Variants in CENPP observed in about 807,000 individuals in gnomAD.
CENPP encodes centromere protein P.
Under a neutral mutation model 35.6 loss-of-function variants are expected in CENPP, and 24 were observed. The ratio of observed to expected loss-of-function variants is 0.67; its 90% confidence interval spans 0.49 to 0.95. The LOEUF (loss-of-function observed/expected upper bound fraction) is 0.95. Ranked by LOEUF, CENPP falls within the 40% of genes least tolerant of loss-of-function variation. The pLI is 0.00. For synonymous variants in CENPP, 120 were observed against 125.5 expected, an observed-to-expected ratio of 0.96 and a Z score of 0.29; for missense variants, 332 against 345.3, an observed-to-expected ratio of 0.96 and a Z score of 0.31.
chr9:92,464,846 C>T, intron 5 of CENPP: 1 of 1,106,668 alleles, frequency 9.0e-7, no homozygotes, highest in Admixed American at 1.7e-5. Flanking sequence ...GCACAGTTTA[C>T]AATATTAGAT....
At chr9:92,354,820 G>A (rs1472722440) in intron 4 of CENPP, among the ~76,000 whole-genome samples, 5 of 152,164 alleles carry the variant, frequency 3.3e-5, no homozygotes, top group African/African-American at 1.2e-4. Flanking sequence ...AAGAGAAAGA[G>A]TAAAAAGAGA....
intron 5 of CENPP, among the ~76,000 whole-genome samples, chr9:92,549,860 A>G (rs1037400852): frequency 1.2e-4 from 18 of 152,288 alleles, no homozygotes; most frequent in African/African-American, 4.3e-4. Context: ...AAGTTTGTTC[A>G]GGAGCCAGGC....
At chr9:92,459,951 C>G (rs568385785) in intron 5 of CENPP, among the ~76,000 whole-genome samples, 2 of 151,936 alleles carry the variant, frequency 1.3e-5, no homozygotes, top group South Asian at 4.2e-4. Context: ...CCAGTTTTGT[C>G]AGAAAATTCT....
At chr9:92,527,847 T>G (rs1026339196) in intron 5 of CENPP, 4 of 154,124 alleles carry the variant, frequency 2.6e-5, no homozygotes, top group Admixed American at 1.3e-4. Flanking sequence ...TTTTTTACAT[T>G]CTGCATACAG....
intron 2 of CENPP, among the ~76,000 whole-genome samples, 164 bp downstream of exon 2, chr9:92,332,515 A>G (rs1202384806): frequency 6.6e-6 from 1 of 152,238 alleles, no homozygotes; most frequent in Admixed American, 6.5e-5. Context: ...CACGGTGTTC[A>G]AAAAGCTGCC....
intron 5 of CENPP, among the ~76,000 whole-genome samples, chr9:92,577,782 T>TTTTATTTA (rs746950356): frequency 2.2e-4 from 33 of 151,666 alleles, no homozygotes; most frequent in African/African-American, 4.6e-4. Flanking sequence ...AGACCCTATC[T>TTTTATTTA]TTTATTTATT....
chr9:92,491,534 A>C lies in CENPP; in HGVS notation c.564+111675A>C, dbSNP rs142368164. On this transcript the variant is annotated intron_variant, in intron 5 of 7. Transcript: ENST00000375587. ...AGGTATACTCCTTGCCTGTGCATTCAGCTTTGACCTCATACCTTCCCGTCT... is the reference window on the plus strand; with the variant it reads ...AGGTATACTCCTTGCCTGTGCATTCCGCTTTGACCTCATACCTTCCCGTCT... Among the ~76,000 whole-genome samples, 490 of 152,104 alleles carry C rather than the reference A, an allele frequency of 3.2e-3. 14 individuals are homozygous for C. The highest frequency in any genetic ancestry group is 0.03 in the Admixed American group (451 of 15,266).
chr9:92,466,486 G>A (rs1463689024), intron 5 of CENPP: 11 of 1,613,362 alleles, frequency 6.8e-6, no homozygotes, highest in African/African-American at 1.3e-5. Flanking sequence ...TTGATTGTGG[G>A]ACAGATACAG....
At chr9:92,582,197 G>A (rs915782701) in intron 5 of CENPP, among the ~76,000 whole-genome samples, 1 of 152,030 alleles carries the variant, frequency 6.6e-6, no homozygotes, top group African/African-American at 2.4e-5. Context: ...GAGACTACAG[G>A]CACATGCCAC....
intron 5 of CENPP, among the ~76,000 whole-genome samples, chr9:92,582,281 C>T (rs1467686463): frequency 6.6e-6 from 1 of 152,166 alleles, no homozygotes; most frequent in Admixed American, 6.5e-5. Flanking sequence ...TGGTCTCGAA[C>T]TCCTGAGCTC....
At chr9:92,524,539 T>A (rs996718355) in intron 5 of CENPP, among the ~76,000 whole-genome samples, 2 of 152,188 alleles carry the variant, frequency 1.3e-5, no homozygotes, top group Admixed American at 6.5e-5. Flanking sequence ...CAGTTTTGAC[T>A]GCCTCTCAGA....
At chr9:92,505,501 A>G in intron 5 of CENPP, 1 of 1,530,892 alleles carries the variant, frequency 6.5e-7, no homozygotes, top group South Asian at 1.2e-5. Flanking sequence ...CAAATATAAT[A>G]CATTTAAAAC....
intron 4 of CENPP, among the ~76,000 whole-genome samples, chr9:92,364,907 G>C (rs1841849048): frequency 6.6e-6 from 1 of 152,158 alleles, no homozygotes; most frequent in Non-Finnish European, 1.5e-5. Context: ...CCTTGTACAT[G>C]GTTGGTGTTC....
chr9:92,515,150 C>G (rs1847621696), intron 5 of CENPP: 2 of 1,609,450 alleles, frequency 1.2e-6, no homozygotes, highest in East Asian at 2.2e-5. Flanking sequence ...GAAGAATCAC[C>G]AGAAAATTCA....
Position 92,379,878 on chromosome 9 carries a change from G to A in CENPP, c.564+19G>A, listed in dbSNP as rs1269367165. 3 of 1,447,600 alleles carry A rather than the reference G, an allele frequency of 2.1e-6. No homozygotes were observed. The highest frequency in any genetic ancestry group is 3.4e-5 in the Admixed American group (2 of 58,670). 89.7% of individuals were successfully genotyped at this position (1,447,600 alleles called of 1,614,324 possible). ...TCTCAAGGTAAAGTCTGAAGTCTTT[G>A]AATTTAAACATATATGGAAAACAAA... On this transcript the variant is annotated intron_variant, in intron 5 of 7. Coordinates refer to ENST00000375587, the MANE Select transcript of CENPP (RefSeq NM_001012267.3).
At chr9:92,502,669 AGAC>A (rs751376831) in intron 5 of CENPP, 2 of 1,525,824 alleles carry the variant, frequency 1.3e-6, no homozygotes, top group Non-Finnish European at 1.8e-6. Flanking sequence ...TTAAGAGAGA[AGAC>A]TATTATTTTT....
chr9:92,557,463 T>C (rs1849751717), intron 5 of CENPP, among the ~76,000 whole-genome samples: 1 of 152,328 alleles, frequency 6.6e-6, no homozygotes, highest in African/African-American at 2.4e-5. Flanking sequence ...CCAATTATTC[T>C]TAGGTTTGGT....
intron 5 of CENPP, among the ~76,000 whole-genome samples, chr9:92,556,745 C>T (rs552005666): frequency 1.8e-4 from 27 of 152,318 alleles, no homozygotes; most frequent in South Asian, 4.1e-4. Flanking sequence ...AAGTGAGTCT[C>T]CTGAAGGCAG....
intron 5 of CENPP, among the ~76,000 whole-genome samples, chr9:92,464,363 G>A (rs1223962471): frequency 6.6e-6 from 1 of 152,176 alleles, no homozygotes; most frequent in Non-Finnish European, 1.5e-5. Context: ...TGTCACAGGT[G>A]GTCACTTCCT....
Sources: allele counts gnomAD v4.1 joint callset (sites outside exome capture counted in the v4.1 genomes callset), GRCh38; gene constraint gnomAD v4.1.1; transcripts MANE v1.5; gene names NCBI Gene and HGNC (gene_info 2026-07-23, HGNC 2026-07-21).